Variants in COL22A1 observed in about 807,000 individuals in gnomAD.
COL22A1 encodes collagen alpha-1(XXII) chain.
Under a neutral mutation model 248.9 loss-of-function variants are expected in COL22A1, and 221 were observed. The observed-to-expected ratio is 0.89, with a 90% CI of 0.80 to 0.99. COL22A1 has a LOEUF of 0.99. Among genes scored for constraint, COL22A1 ranks in the 50% least tolerant of loss-of-function variants. COL22A1 has a pLI of 0.00. For missense variants in COL22A1, 2,240 were observed against 2,179.0 expected (o/e 1.03, Z -0.56); for synonymous variants, 891 against 793.4 (o/e 1.12, Z -2.07).
intron 22 of COL22A1, among the ~76,000 whole-genome samples, chr8:138,742,670 G>A (rs1831715784): frequency 6.6e-6 from 1 of 151,170 alleles, no homozygotes; most frequent in Non-Finnish European, 1.5e-5. Flanking sequence ...GATGGTGGTA[G>A]TGATCACGAT....
At chr8:138,710,419 G>A (rs536106865) in intron 30 of COL22A1, among the ~76,000 whole-genome samples, 3 of 152,276 alleles carry the variant, frequency 2.0e-5, no homozygotes, top group East Asian at 3.9e-4. Context: ...TTTGAATATA[G>A]TTGGCTTAGA....
At chr8:138,897,311 G>A (rs1825487752) in intron 1 of COL22A1, among the ~76,000 whole-genome samples, 1 of 152,122 alleles carries the variant, frequency 6.6e-6, no homozygotes, top group African/African-American at 2.4e-5. Context: ...ACTTTGGGAG[G>A]CTGAGGCAGG....
At chr8:138,771,271 T>C (rs540108406) in intron 16 of COL22A1, among the ~76,000 whole-genome samples, 1 of 152,338 alleles carries the variant, frequency 6.6e-6, no homozygotes, top group Admixed American at 6.5e-5. Flanking sequence ...GGTAGAGCTA[T>C]GGCGACAGTC....
chr8:138,901,369 G>GTTTTTTTTTTTTTTTTTT (rs1396582556), intron 1 of COL22A1, among the ~76,000 whole-genome samples: 1 of 118,760 alleles, frequency 8.4e-6, no homozygotes, highest in East Asian at 2.7e-4. Context: ...TTTTTTTTTT[G>GTTTTTTTTTTTTTTTTTT]TTTTTTTTTT....
intron 60 of COL22A1, among the ~76,000 whole-genome samples, chr8:138,601,247 C>G (rs1022935769): frequency 6.6e-6 from 1 of 151,810 alleles, no homozygotes; most frequent in Non-Finnish European, 1.5e-5. Context: ...CCAACAGCCA[C>G]GGGATAGAGG....
intron 57 of COL22A1, 92 bp downstream of exon 57, chr8:138,607,844 T>A: frequency 7.8e-7 from 1 of 1,281,542 alleles, no homozygotes; most frequent in Admixed American, 1.9e-5. Context: ...CCGATGCTTC[T>A]AGGGACAGAG....
intron 8 of COL22A1, 29 bp from the exon 9 acceptor site, chr8:138,811,950 C>A: frequency 6.6e-7 from 1 of 1,516,356 alleles, no homozygotes; most frequent in Non-Finnish European, 8.8e-7. Context: ...AGGTCAGAAC[C>A]TGGCTCTTCA....
At chr8:138,636,527 A>C (rs11783255) in intron 48 of COL22A1, among the ~76,000 whole-genome samples, 8 of 33,778 alleles carry the variant, frequency 2.4e-4, no homozygotes, top group East Asian at 2.1e-3. Flanking sequence ...AAAGGAAAGG[A>C]AAGGAAAGGC....
intron 1 of COL22A1, among the ~76,000 whole-genome samples, chr8:138,890,372 A>G (rs1824973351): frequency 6.6e-6 from 1 of 152,230 alleles, no homozygotes; most frequent in Non-Finnish European, 1.5e-5. Flanking sequence ...TTCTAGCCAC[A>G]GCAACTAGGC....
chr8:138,739,836 A>G (rs1831410555), intron 22 of COL22A1, among the ~76,000 whole-genome samples: 1 of 152,176 alleles, frequency 6.6e-6, no homozygotes, highest in Non-Finnish European at 1.5e-5. Flanking sequence ...CTGGTTTAGA[A>G]GCCCCTGGAT....
At chr8:138,871,620 C>T (rs1047884941) in intron 3 of COL22A1, among the ~76,000 whole-genome samples, 3 of 152,188 alleles carry the variant, frequency 2.0e-5, no homozygotes, top group African/African-American at 7.2e-5. Flanking sequence ...TCATGTATGT[C>T]ACATACCCCT....
intron 12 of COL22A1, among the ~76,000 whole-genome samples, chr8:138,795,940 C>T (rs1057278360): frequency 4.6e-5 from 7 of 152,090 alleles, no homozygotes; most frequent in Non-Finnish European, 1.0e-4. Context: ...CCCCTCTGAG[C>T]GATGAATGAC....
intron 44 of COL22A1, 99 bp from the exon 45 acceptor site, chr8:138,656,043 TAC>T: frequency 2.1e-6 from 2 of 953,060 alleles, no homozygotes; most frequent in Non-Finnish European, 3.3e-6. Flanking sequence ...TGTGACACAA[TAC>T]GTGACACACT....
chr8:138,841,138 T>C (rs1820851385), intron 4 of COL22A1, among the ~76,000 whole-genome samples: 1 of 152,172 alleles, frequency 6.6e-6, no homozygotes, highest in African/African-American at 2.4e-5. Context: ...CCATTCATGT[T>C]TTCATCCTTT....
chr8:138,909,746 T>C (rs1815302715), intron 1 of COL22A1, among the ~76,000 whole-genome samples: 1 of 152,174 alleles, frequency 6.6e-6, no homozygotes, highest in South Asian at 2.1e-4. Context: ...GCAGGGCATC[T>C]TCGCAACCAC....
chr8:138,629,181 G>C (rs1820505734), intron 50 of COL22A1, among the ~76,000 whole-genome samples: 1 of 151,748 alleles, frequency 6.6e-6, no homozygotes, highest in Admixed American at 6.6e-5. Context: ...TTTGCATATG[G>C]AGTCTCACTC....
intron 31 of COL22A1, among the ~76,000 whole-genome samples, chr8:138,700,827 T>A (rs1197737915): frequency 1.3e-5 from 2 of 151,728 alleles, no homozygotes; most frequent in Non-Finnish European, 2.9e-5. Context: ...TACTAAAAAA[T>A]ACAAAAAATT....
At chr8:138,738,454 C>T (rs546048413) in intron 22 of COL22A1, among the ~76,000 whole-genome samples, 2 of 152,282 alleles carry the variant, frequency 1.3e-5, no homozygotes, top group Non-Finnish European at 2.9e-5. Context: ...AAAAGCACTA[C>T]AATCAAGAAT....
intron 9 of COL22A1, among the ~76,000 whole-genome samples, chr8:138,809,855 CT>C (rs1351206910): frequency 4.0e-4 from 61 of 152,132 alleles, no homozygotes; most frequent in African/African-American, 1.4e-3. Context: ...TCTTCATACC[CT>C]GATTGACTTA....
Sources: gnomAD v4.1 joint callset for allele counts (sites outside exome capture counted in the v4.1 genomes callset) on GRCh38, gnomAD v4.1.1 for gene constraint, MANE v1.5 for transcripts, NCBI Gene and HGNC (gene_info 2026-07-23, HGNC 2026-07-21) for gene names.